Variants in NDUFAF4 observed in about 807,000 individuals in gnomAD.
NDUFAF4 encodes NADH dehydrogenase [ubiquinone] 1 alpha subcomplex assembly factor 4.
In NDUFAF4, 10 loss-of-function variants were observed where a neutral mutation model predicts 15.6. That is an observed-to-expected ratio of 0.64 (90% CI 0.40 to 1.09). NDUFAF4 has a LOEUF of 1.09. NDUFAF4 is among the 50% of genes least tolerant of loss of function. NDUFAF4 has a pLI of 0.01. For synonymous variants in NDUFAF4, 77 were observed against 73.3 expected (o/e 1.05, Z -0.26); for missense variants, 203 against 207.3 (o/e 0.98, Z 0.13).
At chr6:96,895,539 T>C (rs1232501738) in intron 2 of NDUFAF4, among the ~76,000 whole-genome samples, 1 of 152,202 alleles carries the variant, frequency 6.6e-6, no homozygotes, top group Non-Finnish European at 1.5e-5. Context: ...TATACGTATC[T>C]CTTTACGCAT....
At chr6:96,896,675 C>A in intron 2 of NDUFAF4, 69 bp downstream of exon 2, 2 of 1,257,126 alleles carry the variant, frequency 1.6e-6, no homozygotes, top group African/African-American at 1.5e-5. Flanking sequence ...CTACTTGCCA[C>A]ACTTAATCAT....
At position 96,891,003 on chromosome 6, in the gene NDUFAF4, C is replaced by A; in HGVS notation, c.*101G>T. 1 of 1,080,658 alleles carries A rather than the reference C, an allele frequency of 9.3e-7. No individual in the cohort carries two copies. Among genetic ancestry groups the A allele is most frequent in the Non-Finnish European group, 1.4e-6 (1 of 728,800 alleles). 66.9% of individuals were successfully genotyped at this position (1,080,658 alleles called of 1,614,324 possible). ...TAAGAGTATGCCCTCACAATGAGAG[C>A]ATTAAATATTTGGTAATTAACATAA... On this transcript the variant is annotated 3_prime_UTR_variant, in exon 3 of 3. Transcript: ENST00000316149.
At position 96,891,236 on chromosome 6, in the gene NDUFAF4, G is replaced by C. The variant is rs1775311095; in HGVS notation, c.396C>G (p.Thr132=). ...CCTGCATTATTTTCTCAGCAGTCCAGGTTTCTGGGAAAAGCTTATGATTAT... is the reference window on the plus strand; with the variant it reads ...CCTGCATTATTTTCTCAGCAGTCCACGTTTCTGGGAAAAGCTTATGATTAT... ...LLNNHKLFPE[T]WTAEKIMQEY... Residue 132 remains threonine, a synonymous_variant, in exon 3 of 3, where the codon ACC becomes ACG. Transcript: ENST00000316149. 6.2e-7 allele frequency: 1 copy of C among 1,613,678 alleles called. No homozygotes were observed. The highest frequency in any genetic ancestry group is 8.5e-7 in the Non-Finnish European group (1 of 1,179,792).
At chr6:96,891,473 T>C in intron 2 of NDUFAF4, 82 bp from the exon 3 acceptor site, 1 of 1,338,674 alleles carries the variant, frequency 7.5e-7, no homozygotes, top group Non-Finnish European at 1.0e-6. Context: ...ACACTATTCC[T>C]CTTCAAATAA....
In NDUFAF4 at chr6:96,891,390, A is replaced by G; in HGVS notation, c.242T>C (p.Val81Ala). The G allele has an allele frequency of 6.5e-7, 1 of 1,535,010 alleles. No individual in the cohort carries two copies. ...CTCTTGACATGTTTCAGCAGCTTTT[A>G]CCTAGTATCAAAAAAAAAAGGTTTT... is the stretch of plus-strand genomic sequence containing the variant. ...DSKDPVSSLQ[V>A]KAAETCQEPK... The change falls in exon 3 of 3, where the codon GTA becomes GCA. Residue 81 changes from valine to alanine, a missense_variant and splice_region_variant. By Grantham distance (64) the Val-to-Ala change is moderately conservative. Transcript: ENST00000316149.
intron 2 of NDUFAF4, among the ~76,000 whole-genome samples, chr6:96,895,561 C>CT (rs978223503): frequency 7.2e-5 from 11 of 152,110 alleles, no homozygotes; most frequent in African/African-American, 2.4e-4. Flanking sequence ...ATATGTATAA[C>CT]TGAGTCTTAT....
chr6:96,891,796 C>T (rs953256460), intron 2 of NDUFAF4, among the ~76,000 whole-genome samples: 5 of 151,982 alleles, frequency 3.3e-5, no homozygotes, highest in Non-Finnish European at 7.4e-5. Context: ...CCTGCAGAAT[C>T]GTGAGCCAAT....
In NDUFAF4 at chr6:96,889,829, CACT is replaced by C. The variant is rs1775290415; in HGVS notation, c.*1272_*1274del. On this transcript the variant is annotated 3_prime_UTR_variant, in exon 3 of 3. Coordinates refer to ENST00000316149, the MANE Select transcript of NDUFAF4 (RefSeq NM_014165.4). ...GCTTTTTGGCAAGACAGAAAAAACACACTACTAGGATTTGAAAAACTAAATTCT... is the reference window on the plus strand; with the variant it reads ...GCTTTTTGGCAAGACAGAAAAAACACACTAGGATTTGAAAAACTAAATTCT... The C allele has an allele frequency of 6.6e-6, 1 of 152,176 alleles. No homozygotes were observed. The highest frequency in any genetic ancestry group is 6.6e-5 in the Admixed American group (1 of 15,266). The allele number at this position is 152,176 out of a possible 1,614,324, so 9.4% of individuals were successfully genotyped here. A position where few individuals can be genotyped will look rare whatever the true frequency, so the allele number is the denominator to read the frequency against.
At chr6:96,893,401 C>T (rs141238643) in intron 2 of NDUFAF4, among the ~76,000 whole-genome samples, 251 of 152,236 alleles carry the variant, frequency 1.6e-3, no homozygotes, top group Non-Finnish European at 2.8e-3. Flanking sequence ...AGGGCCTTTA[C>T]GATCTGACCC....
Position 96,897,718 on chromosome 6 carries a change from A to C in NDUFAF4, c.84T>G (p.Ser28=), listed in dbSNP as rs747350041. The C allele has an allele frequency of 1.2e-6, 2 of 1,614,190 alleles. No homozygotes were observed. Among genetic ancestry groups the C allele is most frequent in the South Asian group, 2.2e-5 (2 of 91,086 alleles). The part of the protein sequence containing the change: ...AEREISKMKP[S]VAPRHPSTNS... ...TGGTAGAGGGGTGTCTGGGAGCGAC[A>C]GAGGGCTTCATCTTGCTGATTTCCC... is the stretch of plus-strand genomic sequence containing the variant. Residue 28 remains serine, a synonymous_variant, in exon 1 of 3, where the codon TCT becomes TCG. Coordinates refer to ENST00000316149, the MANE Select transcript of NDUFAF4 (RefSeq NM_014165.4).
At chr6:96,891,499 G>T in intron 2 of NDUFAF4, 108 bp from the exon 3 acceptor site, 1 of 1,193,872 alleles carries the variant, frequency 8.4e-7, no homozygotes, top group Non-Finnish European at 1.2e-6. Flanking sequence ...AATATGGTTT[G>T]GATCTGTGTC....
intron 2 of NDUFAF4, among the ~76,000 whole-genome samples, chr6:96,893,723 G>A (rs1034603831): frequency 6.9e-6 from 1 of 145,470 alleles, no homozygotes; most frequent in Non-Finnish European, 1.5e-5. Flanking sequence ...AAATCCTCTC[G>A]ACTGAAAAAA....
intron 2 of NDUFAF4, among the ~76,000 whole-genome samples, 188 bp downstream of exon 2, chr6:96,896,556 T>C (rs567148972): frequency 2.6e-5 from 4 of 152,346 alleles, no homozygotes; most frequent in Admixed American, 2.6e-4. Context: ...TTCTGGTAAA[T>C]ATCCAGTGAA....
intron 2 of NDUFAF4, among the ~76,000 whole-genome samples, chr6:96,896,515 T>TGGAA (rs1775375043): frequency 6.6e-6 from 1 of 152,254 alleles, no homozygotes; most frequent in Non-Finnish European, 1.5e-5. Flanking sequence ...CACAGTTGCT[T>TGGAA]GTATCAATAC....
At chr6:96,895,129 G>C (rs758123100) in intron 2 of NDUFAF4, among the ~76,000 whole-genome samples, 5 of 152,156 alleles carry the variant, frequency 3.3e-5, no homozygotes, top group Non-Finnish European at 5.9e-5. Context: ...CCATCTGTTT[G>C]AAAAGAGGTT....
In NDUFAF4 at chr6:96,891,019, A is replaced by C. The variant is rs1775307917; in HGVS notation, c.*85T>G. ...CAATGAGAGCATTAAATATTTGGTA[A>C]TTAACATAATTTATTACGCAAAAAA... On this transcript the variant is annotated 3_prime_UTR_variant, in exon 3 of 3. Coordinates refer to ENST00000316149, the MANE Select transcript of NDUFAF4 (RefSeq NM_014165.4). The C allele has an allele frequency of 7.9e-7, 1 of 1,270,080 alleles. No homozygotes were observed. Among genetic ancestry groups the C allele is most frequent in the African/African-American group, 1.5e-5 (1 of 67,212 alleles). 78.7% of individuals were successfully genotyped at this position (1,270,080 alleles called of 1,614,324 possible).
intron 1 of NDUFAF4, 184 bp from the exon 2 acceptor site, chr6:96,897,031 A>T: frequency 1.8e-6 from 1 of 547,190 alleles, no homozygotes; most frequent in Non-Finnish European, 3.3e-6. Context: ...GGTTCGAGAG[A>T]TTCTCCCACC....
chr6:96,896,108 G>A (rs1046452750), intron 2 of NDUFAF4: 7 of 153,564 alleles, frequency 4.6e-5, no homozygotes, highest in Non-Finnish European at 8.7e-5. Context: ...TGGTCACATT[G>A]TTGCTCATTT....
intron 2 of NDUFAF4, among the ~76,000 whole-genome samples, chr6:96,895,415 G>A (rs376750951): frequency 1.2e-4 from 18 of 151,992 alleles, no homozygotes; most frequent in African/African-American, 3.6e-4. Flanking sequence ...TGAACTGCCC[G>A]AAGGAAAAAA....
Sources: allele counts gnomAD v4.1 joint callset (sites outside exome capture counted in the v4.1 genomes callset), GRCh38; gene constraint gnomAD v4.1.1; transcripts MANE v1.5; gene names NCBI Gene and HGNC (gene_info 2026-07-23, HGNC 2026-07-21).